The following AOPEP variants were observed in gnomAD, a reference collection of about 807,000 sequenced individuals.
AOPEP encodes the protein aminopeptidase O.
In AOPEP, 77 loss-of-function variants were observed where a neutral mutation model predicts 98.1. The ratio of observed to expected loss-of-function variants is 0.78; its 90% CI spans 0.65 to 0.95. The LOEUF (loss-of-function observed/expected upper bound fraction) is 0.95, where lower values mean the gene tolerates loss of function less well. AOPEP is among the 40% of genes least tolerant of loss of function. The pLI, the probability that AOPEP is intolerant of heterozygous loss-of-function variation, is 0.00. For synonymous variants in AOPEP, 346 were observed against 365.3 expected (o/e 0.95, Z 0.60); for missense variants, 1,024 against 1,024.7 (o/e 1.00, Z 0.01).
At chr9:95,134,538 C>T in the AOPEP span, among the ~76,000 whole-genome samples, 504 of 152,254 alleles carry the variant, frequency 3.3e-3, 9 homozygotes, top group East Asian at 0.043. Flanking sequence ...CTGCAGATTA[C>T]GAAAGCTAAA....
chr9:94,837,934 T>G (rs2041818314), intron 5 of AOPEP, among the ~76,000 whole-genome samples: 2 of 152,190 alleles, frequency 1.3e-5, no homozygotes, highest in Admixed American at 6.5e-5. Context: ...GGGAATGAAA[T>G]AAAGGTCATC....
intron 5 of AOPEP, among the ~76,000 whole-genome samples, chr9:94,847,945 C>T (rs146069845): frequency 1.2e-4 from 18 of 152,266 alleles, no homozygotes; most frequent in African/African-American, 3.4e-4. Flanking sequence ...GAAATCTTGG[C>T]GATAAACCAC....
chr9:95,131,100 A>T, the AOPEP span, among the ~76,000 whole-genome samples: 47 of 152,256 alleles, frequency 3.1e-4, no homozygotes, highest in Non-Finnish European at 6.6e-4. Context: ...TACACAAACA[A>T]TTTTTTCAGT....
the AOPEP span, chr9:95,149,827 G>A: frequency 1.2e-5 from 16 of 1,387,792 alleles, 1 homozygote; most frequent in African/African-American, 1.1e-4. Context: ...AGACAAAAAC[G>A]TTTGGACACT....
At chr9:94,819,449 C>T (rs545305145) in intron 5 of AOPEP, among the ~76,000 whole-genome samples, 6 of 152,346 alleles carry the variant, frequency 3.9e-5, no homozygotes, top group Admixed American at 6.5e-5. Flanking sequence ...TAGCCCTCTC[C>T]GCCTGTGTTC....
At chr9:94,768,549 G>T (rs114872806) in intron 2 of AOPEP, among the ~76,000 whole-genome samples, 2,412 of 152,284 alleles carry the variant, frequency 0.016, 68 homozygotes, top group African/African-American at 0.056. Flanking sequence ...ATCCTCATTT[G>T]ACCACTCTGC....
At chr9:95,083,389 GCACA>G (rs201121277) in intron 16 of AOPEP, among the ~76,000 whole-genome samples, 1 of 138,038 alleles carries the variant, frequency 7.2e-6, no homozygotes, top group Non-Finnish European at 1.5e-5. Context: ...GGCACACACA[GCACA>G]CACAGCGCAC....
intron 5 of AOPEP, among the ~76,000 whole-genome samples, chr9:94,813,959 A>G (rs1473882453): frequency 6.6e-6 from 1 of 152,206 alleles, no homozygotes; most frequent in Non-Finnish European, 1.5e-5. Context: ...ACACTCAAGA[A>G]AAGGGAGTTT....
At chr9:94,983,587 A>G (rs1171737636) in intron 11 of AOPEP, among the ~76,000 whole-genome samples, 3 of 152,178 alleles carry the variant, frequency 2.0e-5, no homozygotes, top group African/African-American at 7.2e-5. Context: ...CCCATGGACA[A>G]TGGATTTAGA....
chr9:94,923,344 G>A (rs542239364), intron 5 of AOPEP, among the ~76,000 whole-genome samples: 3 of 152,176 alleles, frequency 2.0e-5, no homozygotes, highest in African/African-American at 7.2e-5. Context: ...CTTTCTGTCA[G>A]CATAATTTTG....
intron 5 of AOPEP, among the ~76,000 whole-genome samples, chr9:94,899,680 G>A (rs1016558353): frequency 2.0e-5 from 3 of 151,844 alleles, no homozygotes; most frequent in African/African-American, 7.3e-5. Context: ...AACCCAGGAT[G>A]TTGAAGCTGC....
At chr9:95,085,469 T>C (rs763344276) in intron 16 of AOPEP, 2 of 533,412 alleles carry the variant, frequency 3.7e-6, no homozygotes, top group South Asian at 2.8e-5. Context: ...GTGCAGAGCT[T>C]AGCTGATTGG....
chr9:94,786,926 A>T (rs1844563205), intron 3 of AOPEP, among the ~76,000 whole-genome samples: 1 of 152,228 alleles, frequency 6.6e-6, no homozygotes, highest in Non-Finnish European at 1.5e-5. Flanking sequence ...TGCTTTTAAA[A>T]GCTTGAAGTC....
chr9:95,042,159 A>T (rs1288626333), intron 13 of AOPEP, among the ~76,000 whole-genome samples: 4 of 152,030 alleles, frequency 2.6e-5, no homozygotes, highest in Non-Finnish European at 5.9e-5. Flanking sequence ...AAAAATGCAA[A>T]AAATTAGCTG....
the AOPEP span, among the ~76,000 whole-genome samples, chr9:95,094,162 G>A: frequency 1.3e-5 from 2 of 152,050 alleles, no homozygotes; most frequent in South Asian, 2.1e-4. Context: ...GTTGGCTGTC[G>A]CATCCTGCAC....
At chr9:94,773,534 A>G (rs1841356644) in intron 3 of AOPEP, among the ~76,000 whole-genome samples, 1 of 152,200 alleles carries the variant, frequency 6.6e-6, no homozygotes, top group Admixed American at 6.5e-5. Flanking sequence ...TGGTGTCTGT[A>G]CATGGTTATT....
intron 11 of AOPEP, among the ~76,000 whole-genome samples, chr9:94,991,440 G>A (rs1052832499): frequency 3.9e-5 from 6 of 152,182 alleles, no homozygotes; most frequent in Non-Finnish European, 8.8e-5. Context: ...CTGGGGGAGC[G>A]GAGCCCCAGG....
chr9:94,997,733 AC>A (rs1247898717), intron 11 of AOPEP, among the ~76,000 whole-genome samples: 1 of 152,094 alleles, frequency 6.6e-6, no homozygotes, highest in Non-Finnish European at 1.5e-5. Flanking sequence ...TTGCTCTATT[AC>A]CCAGGCTGGA....
At chr9:94,794,109 C>T (rs1228614) in intron 4 of AOPEP, among the ~76,000 whole-genome samples, 33,137 of 151,908 alleles carry the variant, frequency 0.22, 5,083 homozygotes, top group African/African-American at 0.43. Flanking sequence ...TGATTTCTTT[C>T]TTTTTTGAAG....
Sources: gnomAD v4.1 joint callset for allele counts (sites outside exome capture counted in the v4.1 genomes callset) on GRCh38, gnomAD v4.1.1 for gene constraint, MANE v1.5 for transcripts, NCBI Gene and HGNC (gene_info 2026-07-23, HGNC 2026-07-21) for gene names.